The following CEP295 variants were observed in gnomAD, a reference collection of about 807,000 sequenced individuals.
CEP295 encodes the protein centrosomal protein of 295 kDa.
A neutral mutation model predicts 291.6 loss-of-function variants in CEP295; 190 were observed. The observed-to-expected ratio is 0.65, with a 90% CI of 0.58 to 0.73. The LOEUF is 0.73. Ranked by LOEUF, CEP295 falls within the 30% of genes least tolerant of loss-of-function variation. The pLI is 0.00. For missense variants in CEP295, 2,863 were observed against 2,949.4 expected (o/e 0.97, Z 0.68); for synonymous variants, 993 against 1,038.8 (o/e 0.96, Z 0.85).
chr11:93,666,486 C>G (rs1950212391), intron 1 of CEP295, among the ~76,000 whole-genome samples, 196 bp from the exon 2 acceptor site: 2 of 151,988 alleles, frequency 1.3e-5, no homozygotes, highest in Admixed American at 1.3e-4. Context: ...CCCAGCTACC[C>G]TGGAGGCTGA....
Position 93,706,839 on chromosome 11 carries a change from T to C in CEP295, c.5691T>C (p.Phe1897=). Residue 1897 remains phenylalanine, a synonymous_variant, in exon 18 of 30, where the codon TTT becomes TTC. Transcript: ENST00000325212. ...FFGSPLAHDP[F]SCLQLVGQEN... Reference sequence around the variant, plus strand: ...GGAGCCCACTGGCCCATGATCCGTTTAGTTGTCTTCAACTGGTTGGCCAAG... The same window carrying C: ...GGAGCCCACTGGCCCATGATCCGTTCAGTTGTCTTCAACTGGTTGGCCAAG... The C allele has an allele frequency of 6.5e-7, 1 of 1,549,516 alleles. No homozygotes were observed. The highest frequency in any genetic ancestry group is 8.7e-7 in the Non-Finnish European group (1 of 1,145,896).
At chr11:93,729,366 C>G in intron 25 of CEP295, 68 bp from the exon 26 acceptor site, 1 of 1,082,782 alleles carries the variant, frequency 9.2e-7, no homozygotes, top group South Asian at 1.4e-5. Context: ...GCACTCTAAT[C>G]TGACAGCAGA....
At chr11:93,705,975 G>A (rs1952486545) in intron 17 of CEP295, among the ~76,000 whole-genome samples, 2 of 152,146 alleles carry the variant, frequency 1.3e-5, no homozygotes, top group East Asian at 3.8e-4. Flanking sequence ...GATTGAGGAT[G>A]CAGACTTTAA....
Position 93,699,935 on chromosome 11 carries a change from C to T in CEP295, c.5023C>T (p.Gln1675Ter), listed in dbSNP as rs1028723490. ...PKSTCELYSS[Q>*]NEHAAPPSNP... The stretch of plus-strand genomic sequence containing the variant: ...AAGCACTTGTGAATTGTATTCATCC[C>T]AGAATGAACATGCAGCCCCCCCAAG... Residue 1675 changes from glutamine (Q) to a stop codon, truncating the protein, a stop_gained, in exon 15 of 30, where the codon CAG becomes TAG. Transcript: ENST00000325212. LOFTEE classifies it high-confidence loss of function. The T allele has an allele frequency of 6.4e-7, 1 of 1,551,590 alleles. No individual in the cohort carries two copies. Among genetic ancestry groups the T allele is most frequent in the African/African-American group, 1.4e-5 (1 of 73,016 alleles).
At position 93,695,733 on chromosome 11, in the gene CEP295, G is replaced by A. The variant is rs1183130249; in HGVS notation, c.1671+99G>A. 7.4e-6 allele frequency: 10 copies of A among 1,355,840 alleles called. No individual in the cohort carries two copies. The Admixed American group carries it at 2.5e-4, about 34-fold the overall frequency. 84.0% of individuals were successfully genotyped at this position (1,355,840 alleles called of 1,614,324 possible). On this transcript the variant is annotated intron_variant, in intron 13 of 29. Coordinates refer to ENST00000325212, the MANE Select transcript of CEP295 (RefSeq NM_033395.2). The stretch of plus-strand genomic sequence containing the variant: ...GTTTAGAAAAGTAAAATGGATGGCT[G>A]GGCGCGGTGGCTCATGCCTGTAATC...
chr11:93,677,017 A>T (rs1350984348), intron 6 of CEP295, among the ~76,000 whole-genome samples: 1 of 152,164 alleles, frequency 6.6e-6, no homozygotes, highest in Admixed American at 6.5e-5. Flanking sequence ...GAATATTTTC[A>T]GAAATGGGTT....
At chr11:93,713,191 C>G (rs1358247161) in intron 18 of CEP295, among the ~76,000 whole-genome samples, 3 of 152,170 alleles carry the variant, frequency 2.0e-5, no homozygotes, top group African/African-American at 4.8e-5. Context: ...TATTTTTGAT[C>G]TGTTCATCTT....
In CEP295 at chr11:93,723,456, C is replaced by A. The variant is rs1451967800; in HGVS notation, c.6196+167C>A. 2.0e-5 allele frequency: 11 copies of A among 562,596 alleles called. No individual in the cohort carries two copies. In the Admixed American group the frequency reaches 3.0e-4, roughly 15 times the overall value. The allele number at this position is 562,596 out of a possible 1,614,324, so 34.9% of individuals were successfully genotyped here. A position where few individuals can be genotyped will look rare whatever the true frequency, so the allele number is the denominator to read the frequency against. ...GAGGGCATTTAGTGAGAAAGGGGAT[C>A]TGGAACCAATTAGACTCACTGAGGC... On this transcript the variant is annotated intron_variant, in intron 21 of 29. Coordinates refer to ENST00000325212, the MANE Select transcript of CEP295 (RefSeq NM_033395.2).
intron 18 of CEP295, among the ~76,000 whole-genome samples, chr11:93,708,032 TTTAA>T (rs1952635105): frequency 6.6e-6 from 1 of 152,216 alleles, no homozygotes; most frequent in African/African-American, 2.4e-5. Context: ...TTATTCTTTT[TTTAA>T]TTTTTAATTT....
In CEP295 at chr11:93,702,527, C is replaced by T. The variant is rs1336702724; in HGVS notation, c.5342C>T (p.Pro1781Leu). The T allele has an allele frequency of 5.2e-6, 8 of 1,550,716 alleles. No individual in the cohort carries two copies. Among genetic ancestry groups the T allele is most frequent in the Non-Finnish European group, 7.0e-6 (8 of 1,146,652 alleles). ...QKMGQLRDWF[P>L]NTQDLAGNDQ... is the part of the protein sequence containing the mutation. ...ATGGGGCAGCTCAGAGACTGGTTTC[C>T]TAATACACAAGACCTAGCAGGAAAT... is the stretch of plus-strand genomic sequence containing the variant. Residue 1781 changes from proline to leucine, a missense_variant, in exon 16 of 30, where the codon CCT becomes CTT. This residue lies in a region of CEP295 where 2,295 missense variants were observed against 2,335.7 expected (regional missense o/e 0.98). Transcript: ENST00000325212.
chr11:93,718,958 A>G (rs1165859384), intron 18 of CEP295, among the ~76,000 whole-genome samples: 1 of 152,140 alleles, frequency 6.6e-6, no homozygotes, highest in Admixed American at 6.5e-5. Flanking sequence ...AAATACAAAA[A>G]TTAGCCGGGC....
intron 18 of CEP295, among the ~76,000 whole-genome samples, chr11:93,717,525 A>T (rs193091550): frequency 6.6e-6 from 1 of 152,222 alleles, no homozygotes; most frequent in African/African-American, 2.4e-5. Context: ...TTAGTATTGG[A>T]TGTTGTCAGG....
In CEP295 at chr11:93,699,128, G is replaced by A. The variant is rs867818517; in HGVS notation, c.4216G>A (p.Ala1406Thr). The A allele has an allele frequency of 2.3e-5, 35 of 1,550,130 alleles. No individual in the cohort carries two copies. The highest frequency in any genetic ancestry group is 1.7e-4 in the Middle Eastern group (1 of 6,014). ...SLPLVPQHSF[A>T]SLPLNESERN... The stretch of plus-strand genomic sequence containing the variant: ...ACCCCTAGTACCACAGCATTCATTC[G>A]CCTCATTACCTCTTAATGAATCTGA... Residue 1406 changes from alanine to threonine, a missense_variant, in exon 15 of 30, where the codon GCC (alanine) becomes ACC (threonine). Coordinates refer to ENST00000325212, the MANE Select transcript of CEP295 (RefSeq NM_033395.2).
chr11:93,729,403 A>AGTT, intron 25 of CEP295, 31 bp from the exon 26 acceptor site: 1 of 1,451,558 alleles, frequency 6.9e-7, no homozygotes, highest in East Asian at 2.5e-5. Context: ...GCGTTTAAAA[A>AGTT]GAGTAAAACA....
intron 15 of CEP295, 83 bp from the exon 16 acceptor site, chr11:93,702,377 A>G (rs1952221460): frequency 3.4e-6 from 3 of 880,804 alleles, no homozygotes; most frequent in Non-Finnish European, 3.3e-6. Context: ...TTCTAATTTA[A>G]GAAGGGAGAT....
Position 93,697,606 on chromosome 11 carries a change from T to C in CEP295, c.2694T>C (p.Ala898=), listed in dbSNP as rs1951911151. 6.4e-7 allele frequency: 1 copy of C among 1,551,848 alleles called. No individual in the cohort carries two copies. Among genetic ancestry groups the C allele is most frequent in the Non-Finnish European group, 8.7e-7 (1 of 1,146,996 alleles). Residue 898 remains alanine, a synonymous_variant, in exon 15 of 30, where the codon GCT becomes GCC. Coordinates refer to ENST00000325212, the MANE Select transcript of CEP295 (RefSeq NM_033395.2). ...FLPLVTPDSS[A]LLPSAKADLG... is the part of the protein sequence containing the mutation. ...CCTTGGTAACTCCAGATTCATCTGC[T>C]TTATTGCCTTCTGCCAAAGCAGATT...
At position 93,724,977 on chromosome 11, in the gene CEP295, G is replaced by A. The variant is rs892015280; in HGVS notation, c.6318+602G>A. Among the ~76,000 whole-genome samples the A allele has an allele frequency of 4.6e-5, 7 of 152,148 alleles. No individual in the cohort carries two copies. In the East Asian group the frequency reaches 7.8e-4, roughly 17 times the overall value. Reference sequence around the variant, plus strand: ...ACTTTGAAAACAGCTGCATTGGGCCGGGTGCGGTGGCTCATGCCTGTAATC... The same window carrying A: ...ACTTTGAAAACAGCTGCATTGGGCCAGGTGCGGTGGCTCATGCCTGTAATC... On this transcript the variant is annotated intron_variant, in intron 22 of 29. Transcript: ENST00000325212.
intron 5 of CEP295, among the ~76,000 whole-genome samples, chr11:93,672,368 G>C (rs145258587): frequency 6.6e-6 from 1 of 152,028 alleles, no homozygotes; most frequent in African/African-American, 2.4e-5. Flanking sequence ...ATCTATACCA[G>C]ATGCAAGAGA....
chr11:93,726,502 C>T (rs945056142), intron 23 of CEP295, among the ~76,000 whole-genome samples: 2 of 152,110 alleles, frequency 1.3e-5, no homozygotes, highest in Non-Finnish European at 2.9e-5. Flanking sequence ...TGGGAAGCTG[C>T]GGCAGGAGGA....
Sources: gnomAD v4.1 joint callset for allele counts (sites outside exome capture counted in the v4.1 genomes callset) on GRCh38, gnomAD v4.1.1 for gene constraint, gnomAD v4.1.1 regional missense constraint, MANE v1.5 for transcripts, NCBI Gene and HGNC (gene_info 2026-07-23, HGNC 2026-07-21) for gene names.